CARD8: variants seen among roughly 807,000 people sequenced by gnomAD.
The protein encoded by CARD8 is caspase recruitment domain-containing protein 8.
Under a neutral mutation model 53.2 loss-of-function variants are expected in CARD8, and 38 were observed. The observed-to-expected ratio is 0.71, with a 90% CI of 0.55 to 0.94. The LOEUF is 0.94. CARD8 is among the 40% of genes least tolerant of loss of function. The pLI is 0.00. For synonymous variants in CARD8, 245 were observed against 244.9 expected (o/e 1.00, Z 0.00); for missense variants, 561 against 655.5 (o/e 0.86, Z 1.57).
rs531706777 is a variant in CARD8, at chr19:48,252,057, C to A, written c.-251-2210G>T. The stretch of plus-strand genomic sequence containing the variant: ...GAATTATTTCATCATGCTACCCAAC[C>A]ATCTGCCCTTTTGTGCTAATAAAAA... On this transcript the variant is annotated intron_variant, in intron 1 of 13. Coordinates refer to ENST00000651546, the MANE Select transcript of CARD8 (RefSeq NM_001184900.3). 2.1e-4 allele frequency among the ~76,000 whole-genome samples: 32 copies of A among 152,280 alleles called. No individual in the cohort carries two copies. In the South Asian group the frequency reaches 6.0e-3, roughly 29 times the overall value.
chr19:48,214,482 C>T (rs750180370), intron 13 of CARD8, among the ~76,000 whole-genome samples: 1 of 152,152 alleles, frequency 6.6e-6, no homozygotes, highest in Non-Finnish European at 1.5e-5. Flanking sequence ...GGCCTATAAC[C>T]TCTTACGGAG....
At chr19:48,227,199 G>A (rs1376412060) in intron 10 of CARD8, among the ~76,000 whole-genome samples, 2 of 152,140 alleles carry the variant, frequency 1.3e-5, no homozygotes, top group Non-Finnish European at 2.9e-5. Flanking sequence ...ATGGGGAAGA[G>A]AGTTGAATAA....
intron 13 of CARD8, chr19:48,213,142 G>C (rs960992559): frequency 1.3e-5 from 2 of 152,222 alleles, no homozygotes; most frequent in African/African-American, 4.8e-5. Context: ...GAACTCGCCT[G>C]AGCCATGACA....
chr19:48,248,953 T>C (rs1446162838), intron 3 of CARD8, among the ~76,000 whole-genome samples: 1 of 152,128 alleles, frequency 6.6e-6, no homozygotes, highest in African/African-American at 2.4e-5. Context: ...ATCCCAACAC[T>C]TTGGGAGGCC....
downstream of CARD8, among the ~76,000 whole-genome samples, chr19:48,205,279 G>C (rs1304700018): frequency 1.3e-5 from 2 of 152,272 alleles, no homozygotes; most frequent in East Asian, 3.9e-4. Context: ...GCCCAGGCTG[G>C]AGTGCAGTGG....
intron 5 of CARD8, among the ~76,000 whole-genome samples, chr19:48,236,835 C>A (rs559365801): frequency 6.6e-6 from 1 of 152,102 alleles, no homozygotes; most frequent in African/African-American, 2.4e-5. Flanking sequence ...AGTGCAATGG[C>A]GTGATCTTGG....
At chr19:48,205,828 G>A (rs1471418998), downstream of CARD8, among the ~76,000 whole-genome samples, 1 of 152,184 alleles carries the variant, frequency 6.6e-6, no homozygotes, top group Non-Finnish European at 1.5e-5. Context: ...AGCAACAAGA[G>A]AGTAGTAGTA....
At chr19:48,216,694 GAGGA>G (rs1284761527) in intron 12 of CARD8, among the ~76,000 whole-genome samples, 1 of 133,934 alleles carries the variant, frequency 7.5e-6, no homozygotes, top group Non-Finnish European at 1.7e-5. Context: ...GGATTCAGTG[GAGGA>G]AGGAAGATCA....
chr19:48,254,481 G>A (rs992448567), intron 1 of CARD8, among the ~76,000 whole-genome samples: 17 of 152,128 alleles, frequency 1.1e-4, no homozygotes, highest in Admixed American at 5.9e-4. Flanking sequence ...GGCCTGGTGC[G>A]GTGGCTCATC....
chr19:48,219,141 G>A (rs773484777), intron 11 of CARD8, 129 bp from the exon 12 acceptor site: 14 of 768,100 alleles, frequency 1.8e-5, no homozygotes, highest in Non-Finnish European at 2.6e-5. Context: ...GGGAAACAGA[G>A]GGAGAGAGGT....
intron 6 of CARD8, 39 bp downstream of exon 6, chr19:48,234,364 C>G (rs372418326): frequency 4.4e-6 from 7 of 1,576,404 alleles, no homozygotes; most frequent in Non-Finnish European, 5.2e-6. Flanking sequence ...TATTGAGACA[C>G]AGCGTCCAAT....
chr19:48,232,118 G>A (rs570800309), intron 7 of CARD8: 29 of 544,568 alleles, frequency 5.3e-5, no homozygotes, highest in Middle Eastern at 9.2e-4. Context: ...CTACTGGTCC[G>A]AAATAGCAGA....
At position 48,222,672 on chromosome 19, in the gene CARD8, G is replaced by C. The variant is rs2040904714; in HGVS notation, c.1036-817C>G. The stretch of plus-strand genomic sequence containing the variant: ...CCACTGCATTCCAGCCTGGGCGACA[G>C]AGCGAGACTCTGTCTCACCAAAAAA... On this transcript the variant is annotated intron_variant, in intron 10 of 13. Coordinates refer to ENST00000651546, the MANE Select transcript of CARD8 (RefSeq NM_001184900.3). Among the ~76,000 whole-genome samples, 3 of 150,560 alleles carry C rather than the reference G, an allele frequency of 2.0e-5. 1 individual carries two copies. Among genetic ancestry groups the C allele is most frequent in the Admixed American group, 2.0e-4 (3 of 15,138 alleles).
At chr19:48,233,622 C>T (rs1225589707) in intron 6 of CARD8, 3 of 316,378 alleles carry the variant, frequency 9.5e-6, no homozygotes, top group Non-Finnish European at 1.9e-5. Flanking sequence ...ATGCTGGAGT[C>T]TGCCTGCTGA....
chr19:48,211,858 A>C lies in CARD8; in HGVS notation c.1466T>G (p.Val489Gly). ...EVLTENEKEL[V>G]EQEKTRQSKN... The stretch of plus-strand genomic sequence containing the variant: ...GCTCTGCCGTGTCTTTTCCTGCTCC[A>C]CCAGCTCCTTCTCATTCTCAGTAAG... The change falls in exon 14 of 14, where the codon GTG (valine) becomes GGG (glycine). Residue 489 changes from valine (V) to glycine (G), a missense_variant. Val to Gly is a moderately radical substitution (Grantham distance 109). Transcript: ENST00000651546. 2 of 1,614,056 alleles carry C rather than the reference A, an allele frequency of 1.2e-6. No homozygotes were observed. The highest frequency in any genetic ancestry group is 1.7e-6 in the Non-Finnish European group (2 of 1,180,010).
In CARD8 at chr19:48,230,869, T is replaced by C. The variant is rs766481667; in HGVS notation, c.680A>G (p.Gln227Arg). ...AAACAAGGGGCCGCCCACCAGCCAC[T>C]GTTCATGGTGCTGCAGGTCCAGGGC... is the stretch of plus-strand genomic sequence containing the variant. ...HLALDLQHHE[Q>R]WLVGGPLFDV... Residue 227 changes from glutamine (Q) to arginine (R), a missense_variant, in exon 9 of 14, where the codon CAG (glutamine) becomes CGG (arginine). By Grantham distance (43) the Gln-to-Arg change is conservative. Coordinates refer to ENST00000651546, the MANE Select transcript of CARD8 (RefSeq NM_001184900.3). 1.9e-6 allele frequency: 3 copies of C among 1,614,176 alleles called. No homozygotes were observed. The East Asian group carries it at 6.7e-5, about 36-fold the overall frequency.
In CARD8 at chr19:48,250,707, G is replaced by T. The variant is rs2046832561; in HGVS notation, c.-251-860C>A. Among the ~76,000 whole-genome samples, 2 of 152,164 alleles carry T rather than the reference G, an allele frequency of 1.3e-5. 1 individual carries two copies. Among genetic ancestry groups the T allele is most frequent in the South Asian group, 4.1e-4 (2 of 4,832 alleles). ...GAATCGATGTCAAAAGCACATTTGA[G>T]CAACAAAAGAGATTTGAAGGATGTG... On this transcript the variant is annotated intron_variant, in intron 1 of 13. Coordinates refer to ENST00000651546, the MANE Select transcript of CARD8 (RefSeq NM_001184900.3).
In CARD8 at chr19:48,234,324, A is replaced by G. The variant is rs1259808996; in HGVS notation, c.350+79T>C. On this transcript the variant is annotated intron_variant, in intron 6 of 13. Transcript: ENST00000651546. Reference sequence around the variant, plus strand: ...CCCTGAGTTCGATGAAAAACACCCAAATTCCTCTAATTCTCATGTTCCTCT... The same window carrying G: ...CCCTGAGTTCGATGAAAAACACCCAGATTCCTCTAATTCTCATGTTCCTCT... The G allele has an allele frequency of 3.5e-6, 5 of 1,435,988 alleles. No individual in the cohort carries two copies. The East Asian group carries it at 1.2e-4, about 34-fold the overall frequency. 89.0% of individuals were successfully genotyped at this position (1,435,988 alleles called of 1,614,324 possible). A position where few individuals can be genotyped will look rare whatever the true frequency, so the allele number is the denominator to read the frequency against.
chr19:48,249,051 G>A (rs2046576578), intron 3 of CARD8, among the ~76,000 whole-genome samples: 1 of 152,080 alleles, frequency 6.6e-6, no homozygotes, highest in Non-Finnish European at 1.5e-5. Flanking sequence ...ACAAAAATTA[G>A]TCGTGCGTGG....
Sources: gnomAD v4.1 joint callset for allele counts (sites outside exome capture counted in the v4.1 genomes callset) on GRCh38, gnomAD v4.1.1 for gene constraint, MANE v1.5 for transcripts, NCBI Gene and HGNC (gene_info 2026-07-23, HGNC 2026-07-21) for gene names.